CUL1: variants seen among roughly 807,000 people sequenced by gnomAD.
CUL1 encodes the protein cullin-1.
CUL1 carries 24 observed loss-of-function variants against 118.0 expected under a neutral mutation model. The observed-to-expected ratio is 0.20, with a 90% confidence interval of 0.15 to 0.29. The LOEUF (loss-of-function observed/expected upper bound fraction) is 0.29, where lower values mean the gene tolerates loss of function less well. Ranked by LOEUF, CUL1 falls within the 10% of genes least tolerant of loss-of-function variation. The pLI is 1.00. For missense variants in CUL1, 361 were observed against 933.8 expected (o/e 0.39, Z 7.99); for synonymous variants, 332 against 340.4 (o/e 0.98, Z 0.27).
chr7:148,730,770 A>G (rs951359079), intron 2 of CUL1, among the ~76,000 whole-genome samples: 1 of 152,174 alleles, frequency 6.6e-6, no homozygotes, highest in Non-Finnish European at 1.5e-5. Flanking sequence ...TTACCTGATC[A>G]AAAGGGATAG....
At chr7:148,725,453 G>A (rs1183775129) in intron 1 of CUL1, among the ~76,000 whole-genome samples, 1 of 152,212 alleles carries the variant, frequency 6.6e-6, no homozygotes, top group Non-Finnish European at 1.5e-5. Flanking sequence ...GGCCTGGCCT[G>A]CAGCCCATGT....
intron 1 of CUL1, among the ~76,000 whole-genome samples, chr7:148,711,312 C>T (rs947646952): frequency 1.3e-5 from 2 of 152,152 alleles, no homozygotes; most frequent in African/African-American, 4.8e-5. Flanking sequence ...GCAAATGCAG[C>T]ATTGAACATA....
intron 17 of CUL1, among the ~76,000 whole-genome samples, chr7:148,795,049 T>C (rs6978664): frequency 6.6e-6 from 1 of 152,040 alleles, no homozygotes; most frequent in South Asian, 2.1e-4. Context: ...ACCAGGCTGG[T>C]CTTGAACTCC....
At chr7:148,716,775 T>A (rs1359879783) in intron 1 of CUL1, among the ~76,000 whole-genome samples, 1 of 152,222 alleles carries the variant, frequency 6.6e-6, no homozygotes, top group Non-Finnish European at 1.5e-5. Flanking sequence ...ACAGTTTTCA[T>A]CATTGCGCAG....
At chr7:148,770,999 T>C (rs1212663841) in intron 9 of CUL1, among the ~76,000 whole-genome samples, 2 of 152,204 alleles carry the variant, frequency 1.3e-5, no homozygotes, top group African/African-American at 4.8e-5. Context: ...AGTTTAAAAA[T>C]TTTTGCCTAA....
At position 148,773,197 on chromosome 7, in the gene CUL1, A is replaced by C. The variant is rs78702391; in HGVS notation, c.1083+5448A>C. The stretch of plus-strand genomic sequence containing the variant: ...TAAAGCCCTTCCTTGTGATAATATA[A>C]ATCATAATATTACACTAAATCAAAA... On this transcript the variant is annotated intron_variant, in intron 9 of 21. Coordinates refer to ENST00000325222, the MANE Select transcript of CUL1 (RefSeq NM_003592.3). Among the ~76,000 whole-genome samples, 332 of 152,246 alleles carry C rather than the reference A, an allele frequency of 2.2e-3. 3 individuals carry two copies. Among genetic ancestry groups the C allele is most frequent in the Non-Finnish European group, 3.7e-3 (251 of 68,026 alleles).
In CUL1 at chr7:148,760,514, A is replaced by T. The variant is rs1259418288; in HGVS notation, c.789+18A>T. ...TGAAAAAGGTAAGCTTAAATATAGT[A>T]CTTTAAGTAGACTTAAGTTAAAGTC... On this transcript the variant is annotated intron_variant, in intron 7 of 21. Coordinates refer to ENST00000325222, the MANE Select transcript of CUL1 (RefSeq NM_003592.3). The T allele has an allele frequency of 1.3e-6, 2 of 1,571,950 alleles. No homozygotes were observed. The highest frequency in any genetic ancestry group is 1.7e-6 in the Non-Finnish European group (2 of 1,155,812).
At chr7:148,765,727 T>C (rs779228064) in intron 7 of CUL1, among the ~76,000 whole-genome samples, 13 of 152,242 alleles carry the variant, frequency 8.5e-5, no homozygotes, top group Non-Finnish European at 1.8e-4. Flanking sequence ...ACCTGAATAA[T>C]TTATTGAAAT....
At chr7:148,706,213 G>A (rs1797875146) in intron 1 of CUL1, among the ~76,000 whole-genome samples, 1 of 152,172 alleles carries the variant, frequency 6.6e-6, no homozygotes, top group Admixed American at 6.5e-5. Context: ...ATATGAAACA[G>A]TCTGAAATTC....
At chr7:148,724,389 T>A (rs1798492052) in intron 1 of CUL1, among the ~76,000 whole-genome samples, 2 of 152,214 alleles carry the variant, frequency 1.3e-5, no homozygotes, top group Non-Finnish European at 2.9e-5. Context: ...ACTGTTGTGT[T>A]CCATTATTTT....
chr7:148,763,016 G>A (rs892256832), intron 7 of CUL1, among the ~76,000 whole-genome samples: 15 of 152,128 alleles, frequency 9.9e-5, no homozygotes, highest in African/African-American at 3.1e-4. Flanking sequence ...GTGTGGTGGC[G>A]GACGCCTGTT....
chr7:148,727,951 G>C (rs1035546109), intron 1 of CUL1, among the ~76,000 whole-genome samples: 2 of 152,136 alleles, frequency 1.3e-5, no homozygotes, highest in South Asian at 4.1e-4. Flanking sequence ...GGATGACACC[G>C]TCTTAGGATG....
At chr7:148,710,106 A>G (rs963260929) in intron 1 of CUL1, among the ~76,000 whole-genome samples, 1 of 152,206 alleles carries the variant, frequency 6.6e-6, no homozygotes, top group Admixed American at 6.5e-5. Flanking sequence ...TAAGTAAAAT[A>G]TGGGTTTAAG....
intron 9 of CUL1, among the ~76,000 whole-genome samples, chr7:148,783,062 G>A (rs1054991838): frequency 9.2e-5 from 14 of 152,190 alleles, no homozygotes; most frequent in Non-Finnish European, 1.6e-4. Flanking sequence ...GGGTGGTGGC[G>A]GCGTGCGCTG....
intron 11 of CUL1, among the ~76,000 whole-genome samples, chr7:148,785,962 G>T (rs370775426): frequency 2.6e-5 from 4 of 152,226 alleles, no homozygotes; most frequent in African/African-American, 7.2e-5. Flanking sequence ...ATGAATTAGG[G>T]GGTCTTGTTT....
intron 1 of CUL1, among the ~76,000 whole-genome samples, chr7:148,721,785 C>T (rs1040228052): frequency 6.6e-6 from 1 of 151,848 alleles, no homozygotes; most frequent in Non-Finnish European, 1.5e-5. Flanking sequence ...CTGAAGTTGG[C>T]TCATTTTGTG....
chr7:148,771,782 A>G (rs1800222475), intron 9 of CUL1, among the ~76,000 whole-genome samples: 1 of 152,210 alleles, frequency 6.6e-6, no homozygotes, highest in Admixed American at 6.5e-5. Context: ...AACCCCATGC[A>G]TGATTGCTGG....
chr7:148,758,739 C>G (rs1259829788), intron 4 of CUL1, among the ~76,000 whole-genome samples: 2 of 152,134 alleles, frequency 1.3e-5, no homozygotes, highest in African/African-American at 4.8e-5. Flanking sequence ...GTAGTTAATC[C>G]AGTTCTAACA....
rs767531335 is a variant in CUL1 at position 148,799,355 on chromosome 7, C to T, written c.2217C>T (p.Ser739=). The change falls in exon 21 of 22, where the codon TCC becomes TCT. Residue 739 remains serine, a synonymous_variant. Transcript: ENST00000325222. Reference sequence around the variant, plus strand: ...TTGGCGAGGTCCTCACTCAGCTGTCCTCCAGGTTCAAACCTCGAGTCCCTG... The same window carrying T: ...TTGGCGAGGTCCTCACTCAGCTGTCTTCCAGGTTCAAACCTCGAGTCCCTG... ...QLLGEVLTQL[S]SRFKPRVPVI... 6.2e-7 allele frequency: 1 copy of T among 1,613,824 alleles called. No individual in the cohort carries two copies. Among genetic ancestry groups the T allele is most frequent in the African/African-American group, 1.3e-5 (1 of 74,910 alleles).
Sources: allele counts gnomAD v4.1 joint callset (sites outside exome capture counted in the v4.1 genomes callset), GRCh38; gene constraint gnomAD v4.1.1; transcripts MANE v1.5; gene names NCBI Gene and HGNC (gene_info 2026-07-23, HGNC 2026-07-21).